Variants in DLGAP1 observed in about 807,000 individuals in gnomAD.
DLGAP1 encodes the protein DLG associated protein 1, also known as disks large-associated protein 1.
A neutral mutation model predicts 90.8 loss-of-function variants in DLGAP1; 11 were observed. The observed-to-expected ratio is 0.12, with a 90% confidence interval of 0.08 to 0.20. The LOEUF (loss-of-function observed/expected upper bound fraction) is 0.20. Among genes scored for constraint, DLGAP1 ranks in the 10% least tolerant of loss-of-function variants. The pLI is 1.00. For synonymous variants in DLGAP1, 558 were observed against 540.7 expected, an observed-to-expected ratio of 1.03 and a Z score of -0.44; for missense variants, 1,050 against 1,333.8, an observed-to-expected ratio of 0.79 and a Z score of 3.31.
intron 1 of DLGAP1, among the ~76,000 whole-genome samples, chr18:4,403,672 TC>T (rs1308752821): frequency 1.3e-5 from 2 of 152,170 alleles, no homozygotes; most frequent in Non-Finnish European, 2.9e-5. Flanking sequence ...AGAAATTTGT[TC>T]CTATGTGCAT....
intron 2 of DLGAP1, among the ~76,000 whole-genome samples, chr18:4,045,320 T>C (rs565480331): frequency 6.6e-6 from 1 of 151,828 alleles, no homozygotes; most frequent in Non-Finnish European, 1.5e-5. Flanking sequence ...AACTCCTTGG[T>C]ATCTTTTAGT....
intron 3 of DLGAP1, among the ~76,000 whole-genome samples, chr18:3,940,860 C>T (rs1447502750): frequency 6.6e-6 from 1 of 152,186 alleles, no homozygotes; most frequent in Non-Finnish European, 1.5e-5. Flanking sequence ...TAGTACCCAT[C>T]AAAAACTGAT....
intron 1 of DLGAP1, among the ~76,000 whole-genome samples, chr18:4,160,973 T>C (rs2076834152): frequency 6.6e-6 from 1 of 152,058 alleles, no homozygotes; most frequent in Admixed American, 6.6e-5. Flanking sequence ...TTAAATCTAG[T>C]TCTTTTTGTC....
intron 1 of DLGAP1, among the ~76,000 whole-genome samples, chr18:4,306,923 C>G (rs917181656): frequency 1.3e-5 from 2 of 150,176 alleles, no homozygotes; most frequent in African/African-American, 4.9e-5. Flanking sequence ...TTCAGAGAAT[C>G]AATGAGCTTT....
chr18:3,580,289 G>A (rs1224767665), intron 8 of DLGAP1: 21 of 1,612,598 alleles, frequency 1.3e-5, no homozygotes, highest in East Asian at 4.5e-5. Flanking sequence ...CAGCAATGGC[G>A]CAACTGTCTC....
intron 3 of DLGAP1, among the ~76,000 whole-genome samples, chr18:3,949,652 G>A (rs545513915): frequency 3.3e-4 from 51 of 152,286 alleles, no homozygotes; most frequent in African/African-American, 1.2e-3. Flanking sequence ...CATCCTCTCT[G>A]AGTTATGTCT....
At chr18:3,587,485 GCACTCTGTAAAAACGGACCAATCAA>G (rs2055957831) in intron 7 of DLGAP1, among the ~76,000 whole-genome samples, 1 of 152,134 alleles carries the variant, frequency 6.6e-6, no homozygotes, top group Non-Finnish European at 1.5e-5. Context: ...GCACCAATCG[GCACTCTGTAAAAACGGACCAATCAA>G]CACTCTGTAA....
chr18:3,868,993 A>G (rs1174060151), intron 4 of DLGAP1, among the ~76,000 whole-genome samples: 1 of 152,154 alleles, frequency 6.6e-6, no homozygotes, highest in Non-Finnish European at 1.5e-5. Context: ...TCCTAAGCCA[A>G]TTAAAGAGGT....
chr18:3,782,357 G>A (rs1278414956), intron 5 of DLGAP1, among the ~76,000 whole-genome samples: 2 of 152,112 alleles, frequency 1.3e-5, no homozygotes, highest in African/African-American at 2.4e-5. Context: ...GGCTGGTCTC[G>A]AACTCCTGAC....
intron 7 of DLGAP1, among the ~76,000 whole-genome samples, chr18:3,639,437 C>G (rs1235492744): frequency 6.6e-6 from 1 of 150,546 alleles, no homozygotes; most frequent in South Asian, 2.1e-4. Context: ...GACCTGGGTG[C>G]TATTAGCAGC....
chr18:3,761,599 G>A (rs1391163680), intron 5 of DLGAP1, among the ~76,000 whole-genome samples: 2 of 148,990 alleles, frequency 1.3e-5, no homozygotes, highest in Non-Finnish European at 3.0e-5. Context: ...TTTTTAAGAC[G>A]GAGTCTCACT....
chr18:3,870,588 T>C (rs536227567), intron 4 of DLGAP1, among the ~76,000 whole-genome samples: 1 of 151,364 alleles, frequency 6.6e-6, no homozygotes, highest in South Asian at 2.1e-4. Flanking sequence ...ACACCATACA[T>C]ATTTTATACA....
intron 9 of DLGAP1, among the ~76,000 whole-genome samples, chr18:3,551,046 G>A (rs7235116): frequency 0.94 from 142,023 of 151,896 alleles, 67,148 homozygotes; most frequent in East Asian, 1. Context: ...CAGCCCACCA[G>A]AACCAGACTT....
At chr18:4,430,888 T>A (rs1181371483) in intron 1 of DLGAP1, 1 of 152,782 alleles carries the variant, frequency 6.5e-6, no homozygotes, top group African/African-American at 2.4e-5. Context: ...CCAAGGTCAA[T>A]GACAGAGATC....
chr18:4,014,437 G>A (rs1317135738), intron 2 of DLGAP1, among the ~76,000 whole-genome samples: 2 of 151,954 alleles, frequency 1.3e-5, no homozygotes, highest in Admixed American at 1.3e-4. Flanking sequence ...TTGGTCAAGG[G>A]GTATGAAAGT....
chr18:3,747,825 A>G (rs915095145), intron 5 of DLGAP1, among the ~76,000 whole-genome samples: 8 of 152,236 alleles, frequency 5.3e-5, no homozygotes, highest in African/African-American at 1.9e-4. Flanking sequence ...CATTAATAAC[A>G]CACAAAATAT....
chr18:4,228,140 C>T (rs1483431444), intron 1 of DLGAP1, among the ~76,000 whole-genome samples: 2 of 151,344 alleles, frequency 1.3e-5, no homozygotes, highest in Non-Finnish European at 3.0e-5. Context: ...ATGAAGCCTA[C>T]CAAGATTGAG....
rs146239409 is a variant in DLGAP1, at chr18:3,946,374, C to A, written c.-73+58742G>T. ...ATAATAATTATTAGACCAGGTCAGT[C>A]CAGGGGCTCAACTAATGTGTCAATG... On this transcript the variant is annotated intron_variant, in intron 3 of 12. Transcript: ENST00000315677. 3.5e-4 allele frequency among the ~76,000 whole-genome samples: 54 copies of A among 152,172 alleles called. 1 individual carries two copies. The highest frequency in any genetic ancestry group is 9.9e-4 in the African/African-American group (41 of 41,514).
intron 4 of DLGAP1, among the ~76,000 whole-genome samples, chr18:3,872,788 C>G (rs941491844): frequency 6.6e-6 from 1 of 152,178 alleles, no homozygotes; most frequent in Non-Finnish European, 1.5e-5. Flanking sequence ...GATTTACTGT[C>G]TTTAATTTGC....
Sources: allele counts gnomAD v4.1 joint callset (sites outside exome capture counted in the v4.1 genomes callset), GRCh38; gene constraint gnomAD v4.1.1; transcripts MANE v1.5; gene names NCBI Gene and HGNC (gene_info 2026-07-23, HGNC 2026-07-21).